The following SNRPE variants were observed in gnomAD, a reference collection of about 807,000 sequenced individuals.
The protein encoded by SNRPE is small nuclear ribonucleoprotein polypeptide E, also known as small nuclear ribonucleoprotein E.
For missense variants in SNRPE, 53 were observed against 111.6 expected (o/e 0.48, Z 2.36); for synonymous variants, 35 against 36.7 (o/e 0.95, Z 0.17).
chr1:203,863,774 G>A, intron 3 of SNRPE, 49 bp downstream of exon 3: 1 of 1,269,198 alleles, frequency 7.9e-7, no homozygotes, highest in Non-Finnish European at 1.2e-6. Flanking sequence ...CGTAGAAAAA[G>A]ACTTAACAGA....
At chr1:203,864,957 G>T in intron 3 of SNRPE, 84 bp from the exon 4 acceptor site, 1 of 1,321,154 alleles carries the variant, frequency 7.6e-7, no homozygotes, top group Non-Finnish European at 1.0e-6. Flanking sequence ...AAGTTAGTTG[G>T]AGTTTTTATC....
rs763418950 is a variant in SNRPE, at chr1:203,863,735, C to T, written c.144+10C>T. On this transcript the variant is annotated intron_variant, in intron 3 of 4. Transcript: ENST00000414487. Reference sequence around the variant, plus strand: ...AGAAGGCTGTATCATTGTGAGTATCCAGGCGATTTCATCTCATAGCAGTTC... The same window carrying T: ...AGAAGGCTGTATCATTGTGAGTATCTAGGCGATTTCATCTCATAGCAGTTC... The T allele has an allele frequency of 1.3e-6, 2 of 1,560,546 alleles. No individual in the cohort carries two copies. The highest frequency in any genetic ancestry group is 3.3e-5 in the Admixed American group (2 of 59,874).
intron 4 of SNRPE, among the ~76,000 whole-genome samples, chr1:203,868,438 A>G (rs1690139988): frequency 6.6e-6 from 1 of 152,222 alleles, no homozygotes; most frequent in Non-Finnish European, 1.5e-5. Context: ...TTCTGTTAAC[A>G]TCCCATTCAC....
Position 203,865,092 on chromosome 1 carries a change from T to G in SNRPE, c.196T>G (p.Ser66Ala). The G allele has an allele frequency of 3.1e-6, 5 of 1,613,112 alleles. No homozygotes were observed. The highest frequency in any genetic ancestry group is 4.2e-6 in the Non-Finnish European group (5 of 1,179,552). The change falls in exon 4 of 5, where the codon TCT (serine) becomes GCT (alanine). Residue 66 changes from serine (S) to alanine (A), a missense_variant. By Grantham distance (99) the Ser-to-Ala change is moderately conservative. Coordinates refer to ENST00000414487, the MANE Select transcript of SNRPE (RefSeq NM_003094.4). ...ATTAGATGATGCAGAAGAGATTCATTCTAAAACAAAGTCAAGAAAACAACT... is the reference window on the plus strand; with the variant it reads ...ATTAGATGATGCAGAAGAGATTCATGCTAAAACAAAGTCAAGAAAACAACT... ...LVLDDAEEIH[S>A]KTKSRKQLGR...
intron 4 of SNRPE, among the ~76,000 whole-genome samples, chr1:203,866,953 A>G (rs1260429882): frequency 5.6e-5 from 4 of 71,432 alleles, no homozygotes; most frequent in Non-Finnish European, 1.2e-4. Flanking sequence ...TAGAGCTCAG[A>G]TCAAATATCA....
intron 3 of SNRPE, among the ~76,000 whole-genome samples, chr1:203,864,438 AT>A (rs11419311): frequency 9.4e-5 from 14 of 148,950 alleles, no homozygotes; most frequent in African/African-American, 2.5e-4. Context: ...GCTACCCTAA[AT>A]TTTTTTTTTT....
chr1:203,861,923 T>C (rs1689985838), intron 1 of SNRPE: 1 of 616,456 alleles, frequency 1.6e-6, no homozygotes, highest in Non-Finnish European at 2.9e-6. Flanking sequence ...AATGCAGGAA[T>C]GGACGCGGCA....
In SNRPE at chr1:203,871,078, A is replaced by G. The variant is rs930765027; in HGVS notation, c.*1146A>G. Among the ~76,000 whole-genome samples, 5 of 152,348 alleles carry G rather than the reference A, an allele frequency of 3.3e-5. No individual in the cohort carries two copies. The East Asian group carries it at 7.7e-4, about 24-fold the overall frequency. ...TATCCAGCTTTGAACCATGCATTCCATCTATATTCCTCCTGTCTGAACTCA... is the reference window on the plus strand; with the variant it reads ...TATCCAGCTTTGAACCATGCATTCCGTCTATATTCCTCCTGTCTGAACTCA... On this transcript the variant is annotated 3_prime_UTR_variant, in exon 5 of 5. Coordinates refer to ENST00000414487, the MANE Select transcript of SNRPE (RefSeq NM_003094.4).
intron 1 of SNRPE, 26 bp downstream of exon 1, chr1:203,861,739 A>G (rs1268556717): frequency 6.3e-7 from 1 of 1,578,992 alleles, no homozygotes; most frequent in Non-Finnish European, 8.7e-7. Context: ...TGTCAGGACT[A>G]GGAGGTTCGG....
At chr1:203,868,013 C>T (rs375862008) in intron 4 of SNRPE, among the ~76,000 whole-genome samples, 3 of 152,218 alleles carry the variant, frequency 2.0e-5, no homozygotes, top group Admixed American at 2.0e-4. Context: ...TAACTCAATG[C>T]CTGGCACATA....
intron 3 of SNRPE, among the ~76,000 whole-genome samples, chr1:203,864,721 AC>A (rs1690050073): frequency 6.6e-6 from 1 of 152,060 alleles, no homozygotes; most frequent in African/African-American, 2.4e-5. Flanking sequence ...TACCAAAAAT[AC>A]AAAAAGTAGC....
chr1:203,867,103 T>C (rs1436954160), intron 4 of SNRPE, among the ~76,000 whole-genome samples: 1 of 74,414 alleles, frequency 1.3e-5, no homozygotes, highest in Non-Finnish European at 2.6e-5. Context: ...ACCCTGTCTT[T>C]CCTGAAAAAA....
chr1:203,868,048 A>G (rs114574291), intron 4 of SNRPE, among the ~76,000 whole-genome samples: 3,756 of 149,736 alleles, frequency 0.025, 60 homozygotes, highest in South Asian at 0.044. Flanking sequence ...ATATTTGAAC[A>G]ATGAATGGTA....
Position 203,865,135 on chromosome 1 carries a change from G to T in SNRPE, c.223+16G>T, listed in dbSNP as rs373110932. On this transcript the variant is annotated intron_variant, in intron 4 of 4. Coordinates refer to ENST00000414487, the MANE Select transcript of SNRPE (RefSeq NM_003094.4). The stretch of plus-strand genomic sequence containing the variant: ...AAACAACTGGGTAAGGATAGAAGTG[G>T]TCTTACAGAATTCTAGAAATATTTT... 29 of 1,594,892 alleles carry T rather than the reference G, an allele frequency of 1.8e-5. 1 individual carries two copies. The East Asian group carries it at 2.7e-4, about 15-fold the overall frequency.
chr1:203,865,619 A>G (rs1326822165), intron 4 of SNRPE, among the ~76,000 whole-genome samples: 2 of 152,304 alleles, frequency 1.3e-5, no homozygotes, highest in East Asian at 1.9e-4. Flanking sequence ...TTCTAACACT[A>G]TCTACCTGAG....
At chr1:203,868,401 C>G (rs948389266) in intron 4 of SNRPE, among the ~76,000 whole-genome samples, 1 of 152,186 alleles carries the variant, frequency 6.6e-6, no homozygotes, top group East Asian at 1.9e-4. Flanking sequence ...TTAGGATTCA[C>G]GGTTTCATCA....
intron 4 of SNRPE, among the ~76,000 whole-genome samples, chr1:203,869,388 C>T (rs545021076): frequency 3.0e-4 from 42 of 142,304 alleles, no homozygotes; most frequent in Non-Finnish European, 5.3e-4. Context: ...CTCACTGCAA[C>T]CTCCGCCTCC....
intron 3 of SNRPE, among the ~76,000 whole-genome samples, chr1:203,864,156 G>A (rs900480619): frequency 2.0e-5 from 3 of 151,992 alleles, no homozygotes. Context: ...GTCTCACTGT[G>A]TTGCCCAGGC....
At chr1:203,867,123 A>C (rs11811392) in intron 4 of SNRPE, among the ~76,000 whole-genome samples, 75 of 141,324 alleles carry the variant, frequency 5.3e-4, no homozygotes, top group African/African-American at 1.5e-3. Flanking sequence ...AAAAAAAAAA[A>C]AAAAAAATTA....
Sources: gnomAD v4.1 joint callset for allele counts (sites outside exome capture counted in the v4.1 genomes callset) on GRCh38, gnomAD v4.1.1 for gene constraint, MANE v1.5 for transcripts, NCBI Gene and HGNC (gene_info 2026-07-23, HGNC 2026-07-21) for gene names.